EYS: variants seen among roughly 807,000 people sequenced by gnomAD.
The protein encoded by EYS is EGF-like photoreceptor maintenance factor.
Under a neutral mutation model 282.1 loss-of-function variants are expected in EYS, and 250 were observed. The ratio of observed to expected loss-of-function variants is 0.89; its 90% CI spans 0.80 to 0.98. EYS has a LOEUF of 0.98. EYS is among the 50% of genes least tolerant of loss of function. The pLI is 0.00. For synonymous variants in EYS, 1,355 were observed against 1,282.9 expected, an observed-to-expected ratio of 1.06 and a Z score of -1.20; for missense variants, 4,016 against 3,709.0, an observed-to-expected ratio of 1.08 and a Z score of -2.15.
chr6:63,758,265 C>T (rs1300044224), intron 41 of EYS, among the ~76,000 whole-genome samples: 3 of 152,052 alleles, frequency 2.0e-5, no homozygotes, highest in Admixed American at 2.0e-4. Flanking sequence ...ATGTCTACTA[C>T]ATTTATCATT....
At chr6:63,892,282 A>G (rs972513414) in intron 35 of EYS, among the ~76,000 whole-genome samples, 1 of 152,238 alleles carries the variant, frequency 6.6e-6, no homozygotes, top group Non-Finnish European at 1.5e-5. Context: ...GACAATCCTA[A>G]GCCAAAAGAA....
intron 35 of EYS, among the ~76,000 whole-genome samples, chr6:63,894,751 T>C (rs573708949): frequency 1.3e-3 from 193 of 152,118 alleles, no homozygotes; most frequent in South Asian, 2.5e-3. Flanking sequence ...CCAGCTGATT[T>C]TTTTTATTAT....
At chr6:65,425,577 G>A (rs1409988992) in intron 5 of EYS, among the ~76,000 whole-genome samples, 1 of 152,094 alleles carries the variant, frequency 6.6e-6, no homozygotes, top group Admixed American at 6.6e-5. Context: ...TGTTTTAGAG[G>A]TGAAAACAAT....
At chr6:64,152,638 A>T (rs1444191393) in intron 31 of EYS, among the ~76,000 whole-genome samples, 1 of 152,142 alleles carries the variant, frequency 6.6e-6, no homozygotes, top group Non-Finnish European at 1.5e-5. Context: ...ATCAAATGAC[A>T]TTTTCAGTTA....
chr6:65,539,462 T>C (rs1768083247), intron 2 of EYS, among the ~76,000 whole-genome samples: 1 of 152,186 alleles, frequency 6.6e-6, no homozygotes, highest in South Asian at 2.1e-4. Context: ...ATTGGACCGA[T>C]TCATTGAGAA....
At chr6:65,167,698 A>G (rs1765007448) in intron 12 of EYS, among the ~76,000 whole-genome samples, 1 of 151,294 alleles carries the variant, frequency 6.6e-6, no homozygotes, top group Non-Finnish European at 1.5e-5. Flanking sequence ...ACTATTGATT[A>G]TTATATCTCC....
At chr6:64,151,363 A>ATATATATTTATATATATATATAT (rs1491135650) in intron 31 of EYS, among the ~76,000 whole-genome samples, 1 of 62,854 alleles carries the variant, frequency 1.6e-5, no homozygotes, top group African/African-American at 7.1e-5. Context: ...ATATATATAT[A>ATATATATTTATATATATATATAT]ATTTTTTTTT....
intron 22 of EYS, among the ~76,000 whole-genome samples, chr6:64,707,789 T>C (rs1400378859): frequency 6.6e-6 from 1 of 151,686 alleles, no homozygotes; most frequent in Non-Finnish European, 1.5e-5. Context: ...ACACAAAACC[T>C]ATTGAAATCA....
At chr6:64,787,345 A>G (rs544522693) in intron 22 of EYS, among the ~76,000 whole-genome samples, 2 of 152,298 alleles carry the variant, frequency 1.3e-5, no homozygotes, top group East Asian at 3.9e-4. Context: ...ATAAAATTGG[A>G]AAGACATTTT....
intron 31 of EYS, among the ~76,000 whole-genome samples, chr6:64,105,796 C>T (rs905083188): frequency 1.2e-4 from 19 of 152,222 alleles, no homozygotes; most frequent in Admixed American, 1.2e-3. Context: ...TAGTATTCCA[C>T]TGTCTGGATC....
intron 34 of EYS, among the ~76,000 whole-genome samples, chr6:63,994,988 C>T (rs1426919792): frequency 6.6e-6 from 1 of 151,720 alleles, no homozygotes; most frequent in Non-Finnish European, 1.5e-5. Flanking sequence ...GTTATGACAC[C>T]AAAAGCACAG....
chr6:65,043,550 G>A (rs534342285), intron 13 of EYS, among the ~76,000 whole-genome samples: 4 of 150,974 alleles, frequency 2.6e-5, no homozygotes, highest in African/African-American at 7.3e-5. Context: ...TCCCTCCTGC[G>A]CCCCTCCTCC....
At chr6:64,355,822 G>T (rs1052727295) in intron 29 of EYS, among the ~76,000 whole-genome samples, 1 of 151,666 alleles carries the variant, frequency 6.6e-6, no homozygotes, top group African/African-American at 2.4e-5. Context: ...TAATTAGCAA[G>T]TGGCAAGTGC....
At chr6:64,089,338 C>T (rs140209063) in intron 31 of EYS, among the ~76,000 whole-genome samples, 65 of 150,104 alleles carry the variant, frequency 4.3e-4, no homozygotes, top group African/African-American at 1.5e-3. Context: ...TAATTACCTA[C>T]ATTTATTATA....
Position 65,494,875 on chromosome 6 carries a change from C to T in EYS, c.536G>A (p.Ser179Asn), listed in dbSNP as rs1766186895. 8 of 1,613,988 alleles carry T rather than the reference C, an allele frequency of 5.0e-6. No homozygotes were observed. The highest frequency in any genetic ancestry group is 6.8e-6 in the Non-Finnish European group (8 of 1,179,888). ...VKQQFCQESL[S>N]SEFCSGHGKC... Reference sequence around the variant, plus strand: ...ACCATGACCAGAGCAAAATTCTGAACTCAGAGATTCCTGGCAGAACTGCTG... The same window carrying T: ...ACCATGACCAGAGCAAAATTCTGAATTCAGAGATTCCTGGCAGAACTGCTG... Residue 179 changes from serine (S) to asparagine (N), a missense_variant, in exon 4 of 43, where the codon AGT becomes AAT. Coordinates refer to ENST00000503581, the MANE Select transcript of EYS (RefSeq NM_001142800.2).
intron 26 of EYS, among the ~76,000 whole-genome samples, chr6:64,558,100 T>C (rs1004922490): frequency 2.6e-5 from 4 of 152,110 alleles, no homozygotes; most frequent in Non-Finnish European, 5.9e-5. Flanking sequence ...CTGGCAATGA[T>C]AGAATTTAAG....
chr6:64,779,198 T>A (rs1773781737), intron 22 of EYS, among the ~76,000 whole-genome samples: 1 of 152,178 alleles, frequency 6.6e-6, no homozygotes, highest in Non-Finnish European at 1.5e-5. Flanking sequence ...CACAAATATG[T>A]ATAGCAGGTT....
At chr6:64,956,298 T>C (rs1769699013) in intron 14 of EYS, among the ~76,000 whole-genome samples, 1 of 152,108 alleles carries the variant, frequency 6.6e-6, no homozygotes, top group South Asian at 2.1e-4. Flanking sequence ...ACACCTACAG[T>C]GAACTCATTT....
At chr6:64,390,081 C>T (rs970077488) in intron 28 of EYS, among the ~76,000 whole-genome samples, 1 of 152,054 alleles carries the variant, frequency 6.6e-6, no homozygotes, top group African/African-American at 2.4e-5. Flanking sequence ...TAAAAAACGG[C>T]ACATCACGAG....
Sources: allele counts gnomAD v4.1 joint callset (sites outside exome capture counted in the v4.1 genomes callset), GRCh38; gene constraint gnomAD v4.1.1; transcripts MANE v1.5; gene names NCBI Gene and HGNC (gene_info 2026-07-23, HGNC 2026-07-21).